COL28A1: variants seen among roughly 807,000 people sequenced by gnomAD.
COL28A1 encodes the protein collagen alpha-1(XXVIII) chain.
Under a neutral mutation model 150.2 loss-of-function variants are expected in COL28A1, and 161 were observed. That is an observed-to-expected ratio of 1.07 (90% CI 0.94 to 1.22). COL28A1 has a LOEUF of 1.22. COL28A1 is among the 50% of genes most tolerant of loss of function. The probability of loss-of-function intolerance (pLI) is 0.00; values close to 1 mark genes in which losing one functional copy is unlikely to be tolerated. For synonymous variants in COL28A1, 552 were observed against 469.7 expected (o/e 1.18, Z -2.26); for missense variants, 1,617 against 1,388.3 (o/e 1.16, Z -2.62).
chr7:7,471,027 G>T (rs1788367822), intron 15 of COL28A1, among the ~76,000 whole-genome samples: 1 of 142,516 alleles, frequency 7.0e-6, no homozygotes, highest in South Asian at 2.3e-4. Context: ...CGAGTTAGTG[G>T]GTGCAGCGCA....
At chr7:7,372,069 G>A (rs1781255431) in intron 32 of COL28A1, among the ~76,000 whole-genome samples, 1 of 152,014 alleles carries the variant, frequency 6.6e-6, no homozygotes. Flanking sequence ...CTGACCTCGT[G>A]ATCCACTGTG....
At chr7:7,528,186 T>C (rs1030648371) in intron 3 of COL28A1, among the ~76,000 whole-genome samples, 1 of 152,188 alleles carries the variant, frequency 6.6e-6, no homozygotes, top group Non-Finnish European at 1.5e-5. Flanking sequence ...CATAAAGGCT[T>C]TTTAAATACT....
downstream of COL28A1, among the ~76,000 whole-genome samples, chr7:7,353,410 A>G (rs934994618): frequency 3.9e-5 from 6 of 152,210 alleles, no homozygotes; most frequent in Admixed American, 3.3e-4. Flanking sequence ...ACACAGGAAT[A>G]TAACTATTTG....
intron 25 of COL28A1, among the ~76,000 whole-genome samples, chr7:7,423,405 G>C (rs1248037748): frequency 6.6e-6 from 1 of 152,186 alleles, no homozygotes; most frequent in African/African-American, 2.4e-5. Context: ...CAGTGAACCT[G>C]AGATAGTGTT....
rs890471413 is a variant in COL28A1, at chr7:7,358,440, C to G, written c.*193G>C. On this transcript the variant is annotated 3_prime_UTR_variant, in exon 35 of 35. Coordinates refer to ENST00000399429, the MANE Select transcript of COL28A1 (RefSeq NM_001037763.3). ...ACAGTTGACAAGTTACTAAACTTCT[C>G]AGAGCCTCAGCTTTCTTACCTATAT... The G allele has an allele frequency of 2.1e-6, 1 of 481,590 alleles. No individual in the cohort carries two copies. Among genetic ancestry groups the G allele is most frequent in the African/African-American group, 2.0e-5 (1 of 49,894 alleles). 29.8% of individuals were successfully genotyped at this position (481,590 alleles called of 1,614,324 possible).
intron 15 of COL28A1, among the ~76,000 whole-genome samples, chr7:7,468,442 G>A (rs1346333603): frequency 9.7e-6 from 1 of 103,064 alleles, no homozygotes; most frequent in Non-Finnish European, 1.9e-5. Context: ...CCAATAACAG[G>A]CTCTGAAATT....
chr7:7,464,690 A>G lies in COL28A1; in HGVS notation c.1303-8578T>C, dbSNP rs561813897. On this transcript the variant is annotated intron_variant, in intron 15 of 34. Coordinates refer to ENST00000399429, the MANE Select transcript of COL28A1 (RefSeq NM_001037763.3). ...TGCTAAGAGGAAAGTTCATAGCCCT[A>G]AACACCTATATCAAAAAGTCTGAAA... Among the ~76,000 whole-genome samples the G allele has an allele frequency of 3.9e-5, 6 of 152,338 alleles. No homozygotes were observed. In the East Asian group the frequency reaches 7.7e-4, roughly 20 times the overall value.
chr7:7,488,209 ACTAT>A (rs1357662376), intron 13 of COL28A1, among the ~76,000 whole-genome samples: 1 of 152,240 alleles, frequency 6.6e-6, no homozygotes, highest in Non-Finnish European at 1.5e-5. Context: ...CTTTAATGGT[ACTAT>A]CTATTTAGTG....
intron 32 of COL28A1, among the ~76,000 whole-genome samples, chr7:7,372,447 G>T (rs1213832078): frequency 2.8e-5 from 4 of 143,960 alleles, no homozygotes; most frequent in South Asian, 4.4e-4. Flanking sequence ...ATAAATGGTT[G>T]TTCTTTTGAG....
In COL28A1 at chr7:7,422,232, T is replaced by C. The variant is rs1482867746; in HGVS notation, c.1999-2279A>G. On this transcript the variant is annotated intron_variant, in intron 25 of 34. Transcript: ENST00000399429. ...TCATCGAAAGTTTCATCAAAAATAATACTCCTCTTTGCTCAGTCACCCCAA... is the reference window on the plus strand; with the variant it reads ...TCATCGAAAGTTTCATCAAAAATAACACTCCTCTTTGCTCAGTCACCCCAA... 3.3e-5 allele frequency among the ~76,000 whole-genome samples: 5 copies of C among 152,176 alleles called. No individual in the cohort carries two copies. In the East Asian group the frequency reaches 7.7e-4, roughly 23 times the overall value.
intron 18 of COL28A1, among the ~76,000 whole-genome samples, chr7:7,447,825 T>C (rs1426729020): frequency 1.3e-5 from 2 of 152,108 alleles, no homozygotes; most frequent in Non-Finnish European, 2.9e-5. Context: ...TGAAAAAGAA[T>C]GAGCAGAGCA....
intron 3 of COL28A1, among the ~76,000 whole-genome samples, chr7:7,524,956 G>C (rs899460123): frequency 4.6e-5 from 7 of 152,050 alleles, no homozygotes; most frequent in African/African-American, 1.7e-4. Context: ...ACAGTATTAG[G>C]AATAATATTT....
chr7:7,507,865 T>C (rs76221925), intron 9 of COL28A1, among the ~76,000 whole-genome samples: 13,785 of 152,272 alleles, frequency 0.091, 779 homozygotes, highest in Middle Eastern at 0.2. Flanking sequence ...TCCCAGTAGA[T>C]TCCTCTTCAA....
At chr7:7,432,762 T>A in intron 23 of COL28A1, 62 bp from the exon 24 acceptor site, 2 of 1,284,422 alleles carry the variant, frequency 1.6e-6, no homozygotes, top group South Asian at 2.4e-5. Flanking sequence ...TGGTCAAACT[T>A]AAGCATAACA....
At chr7:7,521,398 G>A (rs898239325) in intron 5 of COL28A1, among the ~76,000 whole-genome samples, 11 of 152,124 alleles carry the variant, frequency 7.2e-5, no homozygotes, top group Non-Finnish European at 1.5e-4. Context: ...GTTGCCATGT[G>A]CTTACTTCCA....
Position 7,443,611 on chromosome 7 carries a change from GTGGTCCTTC to G in COL28A1, c.1615_1623del (p.Glu539_Pro541del). ...TTGGGGCCAGGCTGTCCTTTTCCAGGTGGTCCTTCTGGGCCTCTTGCTCCCGGAAGCCCC... is the reference window on the plus strand; with the variant it reads ...TTGGGGCCAGGCTGTCCTTTTCCAGGTGGGCCTCTTGCTCCCGGAAGCCCC... On this transcript the variant is annotated inframe_deletion, in exon 20 of 35. Coordinates refer to ENST00000399429, the MANE Select transcript of COL28A1 (RefSeq NM_001037763.3). The G allele has an allele frequency of 6.2e-7, 1 of 1,613,996 alleles. No individual in the cohort carries two copies. The highest frequency in any genetic ancestry group is 8.5e-7 in the Non-Finnish European group (1 of 1,179,998).
chr7:7,525,708 G>A (rs1027718250), intron 3 of COL28A1, among the ~76,000 whole-genome samples: 8 of 152,186 alleles, frequency 5.3e-5, no homozygotes, highest in African/African-American at 1.7e-4. Context: ...ATAGAGGGAC[G>A]AGATAACAAA....
Position 7,452,390 on chromosome 7 carries a change from A to G in COL28A1, c.1441-3T>C. 2 of 1,592,606 alleles carry G rather than the reference A, an allele frequency of 1.3e-6. No individual in the cohort carries two copies. Among genetic ancestry groups the G allele is most frequent in the East Asian group, 2.3e-5 (1 of 44,376 alleles). On this transcript the variant is annotated splice_polypyrimidine_tract_variant and splice_region_variant and intron_variant, in intron 17 of 34. Coordinates refer to ENST00000399429, the MANE Select transcript of COL28A1 (RefSeq NM_001037763.3). ...GGTCCCATTTGGCCTACTTCTCCCT[A>G]GTAAGAAAAGAGTTTAATACAGCAG...
rs1784755602 is a variant in COL28A1 at position 7,428,325 on chromosome 7, G to A, written c.1998+4148C>T. The stretch of plus-strand genomic sequence containing the variant: ...AGCGGGTCATAGCTTTTTCTGTGAT[G>A]ATCCAGCTCCCTGAGAGGGCCTGAA... On this transcript the variant is annotated intron_variant, in intron 25 of 34. Transcript: ENST00000399429. 2.0e-5 allele frequency among the ~76,000 whole-genome samples: 3 copies of A among 152,268 alleles called. No individual in the cohort carries two copies. In the South Asian group the frequency reaches 6.2e-4, roughly 32 times the overall value.
Sources: gnomAD v4.1 joint callset for allele counts (sites outside exome capture counted in the v4.1 genomes callset) on GRCh38, gnomAD v4.1.1 for gene constraint, MANE v1.5 for transcripts, NCBI Gene and HGNC (gene_info 2026-07-23, HGNC 2026-07-21) for gene names.